SRSF10: variants seen among roughly 807,000 people sequenced by gnomAD.
SRSF10 encodes serine/arginine-rich splicing factor 10.
Under a neutral mutation model 32.6 loss-of-function variants are expected in SRSF10, and 9 were observed. The observed-to-expected ratio is 0.28, with a 90% CI of 0.17 to 0.48. The LOEUF (loss-of-function observed/expected upper bound fraction) is 0.48, where lower values mean the gene tolerates loss of function less well. Among genes scored for constraint, SRSF10 ranks in the 20% least tolerant of loss-of-function variants. The pLI is 0.99. For missense variants in SRSF10, 201 were observed against 331.8 expected (o/e 0.61, Z 3.06); for synonymous variants, 105 against 112.4 (o/e 0.93, Z 0.42).
At position 23,966,650 on chromosome 1, in the gene SRSF10, A is replaced by G. The variant is rs2148492395; in HGVS notation, c.*4492T>C. The G allele has an allele frequency of 6.6e-6, 1 of 152,126 alleles. No homozygotes were observed. Among genetic ancestry groups the G allele is most frequent in the African/African-American group, 2.4e-5 (1 of 41,550 alleles). 9.4% of individuals were successfully genotyped at this position (152,126 alleles called of 1,614,324 possible). On this transcript the variant is annotated 3_prime_UTR_variant, in exon 6 of 6. Transcript: ENST00000492112. ...CTCCTTTATACCTAATGCAAAGTTA[A>G]ATACTTATTTTGGGGGTTATATCCT...
intron 1 of SRSF10, 49 bp from the exon 2 acceptor site, chr1:23,978,866 A>T: frequency 6.7e-7 from 1 of 1,488,926 alleles, no homozygotes; most frequent in Non-Finnish European, 9.1e-7. Context: ...AGTCCTTAAG[A>T]TGTATAGGCA....
chr1:23,976,856 T>C (rs1642123207), intron 2 of SRSF10: 1 of 152,226 alleles, frequency 6.6e-6, no homozygotes, highest in Admixed American at 6.5e-5. Flanking sequence ...CTGTTACTTA[T>C]TTCTTTTCAA....
At position 23,970,975 on chromosome 1, in the gene SRSF10, T is replaced by C; in HGVS notation, c.*167A>G. Reference sequence around the variant, plus strand: ...ATTAAACAAACTGGACTCTTAAGAGTGGCTTCTCAACAGCATATCATTTTA... The same window carrying C: ...ATTAAACAAACTGGACTCTTAAGAGCGGCTTCTCAACAGCATATCATTTTA... On this transcript the variant is annotated 3_prime_UTR_variant, in exon 6 of 6. Transcript: ENST00000492112. 1 of 1,399,172 alleles carries C rather than the reference T, an allele frequency of 7.1e-7. No individual in the cohort carries two copies. The highest frequency in any genetic ancestry group is 1.5e-5 in the African/African-American group (1 of 68,664). The allele number at this position is 1,399,172 out of a possible 1,614,324, so 86.7% of individuals were successfully genotyped here.
chr1:23,973,307 G>C lies in SRSF10; in HGVS notation c.275-1295C>G, dbSNP rs1022809768. ...ACACTGGGAATCCATACCATAAAAG[G>C]ATTTTTAAAAACTCCAAATGGAAGT... is the stretch of plus-strand genomic sequence containing the variant. On this transcript the variant is annotated intron_variant, in intron 3 of 5. Transcript: ENST00000492112. 2.0e-5 allele frequency among the ~76,000 whole-genome samples: 3 copies of C among 152,066 alleles called. No individual in the cohort carries two copies. The East Asian group carries it at 5.8e-4, about 29-fold the overall frequency.
At position 23,967,639 on chromosome 1, in the gene SRSF10, CCTT is replaced by C; in HGVS notation, c.*3500_*3502del. The C allele has an allele frequency of 7.0e-7, 1 of 1,435,804 alleles. No homozygotes were observed. Among genetic ancestry groups the C allele is most frequent in the South Asian group, 1.1e-5 (1 of 87,350 alleles). 88.9% of individuals were successfully genotyped at this position (1,435,804 alleles called of 1,614,324 possible). On this transcript the variant is annotated 3_prime_UTR_variant, in exon 6 of 6. Transcript: ENST00000492112. ...CCCACCCTTTGGTCGCTTGAACTGC[CCTT>C]CTTTGGTTCTTTTTCCGCTTTCAGA...
In SRSF10 at chr1:23,968,898, C is replaced by G. The variant is rs1014393323; in HGVS notation, c.*2244G>C. ...ATCATGAAACAACTTTGATATTACACAATGAATTTTTAACTACTGTGTAAA... is the reference window on the plus strand; with the variant it reads ...ATCATGAAACAACTTTGATATTACAGAATGAATTTTTAACTACTGTGTAAA... On this transcript the variant is annotated 3_prime_UTR_variant, in exon 6 of 6. Coordinates refer to ENST00000492112, the MANE Select transcript of SRSF10 (RefSeq NM_054016.4). Among the ~76,000 whole-genome samples the G allele has an allele frequency of 6.6e-6, 1 of 152,140 alleles. No homozygotes were observed. Among genetic ancestry groups the G allele is most frequent in the Non-Finnish European group, 1.5e-5 (1 of 67,988 alleles).
chr1:23,979,685 A>G (rs1367550012), intron 1 of SRSF10, among the ~76,000 whole-genome samples: 2 of 152,152 alleles, frequency 1.3e-5, no homozygotes, highest in Middle Eastern at 3.2e-3. Context: ...CCCTTTCTCC[A>G]AACACCTCCA....
At position 23,967,929 on chromosome 1, in the gene SRSF10, T is replaced by G; in HGVS notation, c.*3213A>C. 4 of 1,544,194 alleles carry G rather than the reference T, an allele frequency of 2.6e-6. No homozygotes were observed. Among genetic ancestry groups the G allele is most frequent in the Non-Finnish European group, 3.5e-6 (4 of 1,145,872 alleles). ...CCTTTCCTCTCTCACTGAAGCATTA[T>G]CTCTCATTTTTCTTCTTGCTTACTT... On this transcript the variant is annotated 3_prime_UTR_variant, in exon 6 of 6. Coordinates refer to ENST00000492112, the MANE Select transcript of SRSF10 (RefSeq NM_054016.4).
chr1:23,973,426 C>A (rs944274472), intron 3 of SRSF10, among the ~76,000 whole-genome samples: 4 of 152,262 alleles, frequency 2.6e-5, no homozygotes, highest in Non-Finnish European at 4.4e-5. Context: ...ACCTCCTGGG[C>A]CCAAGTGATC....
At chr1:23,973,979 C>A (rs1353523545) in intron 3 of SRSF10, among the ~76,000 whole-genome samples, 2 of 143,718 alleles carry the variant, frequency 1.4e-5, no homozygotes, top group Non-Finnish European at 3.0e-5. Context: ...AGCTCCTCCT[C>A]TCCTCAGCAG....
At position 23,971,422 on chromosome 1, in the gene SRSF10, C is replaced by T. The variant is rs1165690555; in HGVS notation, c.509G>A (p.Arg170Gln). The change falls in exon 6 of 6, where the codon CGA (arginine) becomes CAA (glutamine). Residue 170 changes from arginine (R) to glutamine (Q), a missense_variant. This residue lies in a region of SRSF10 where 159 missense variants were observed against 196.7 expected (regional missense o/e 0.81). Coordinates refer to ENST00000492112, the MANE Select transcript of SRSF10 (RefSeq NM_054016.4). ...SDNDRFKHRN[R>Q]SFSRSKSNSR... ...ATTGGATTTAGATCTTGAAAAAGAT[C>T]GATTTCGGTGTTTGAATCTTTCAAA... 47 of 1,608,804 alleles carry T rather than the reference C, an allele frequency of 2.9e-5. No homozygotes were observed. The highest frequency in any genetic ancestry group is 1.3e-4 in the South Asian group (12 of 90,056).
chr1:23,969,897 A>G lies in SRSF10; in HGVS notation c.*1245T>C, dbSNP rs1641642196. 1.0e-5 allele frequency: 10 copies of G among 985,402 alleles called. No individual in the cohort carries two copies. Among genetic ancestry groups the G allele is most frequent in the Non-Finnish European group, 1.2e-5 (10 of 829,932 alleles). 61.0% of individuals were successfully genotyped at this position (985,402 alleles called of 1,614,324 possible). A position where few individuals can be genotyped will look rare whatever the true frequency, so the allele number is the denominator to read the frequency against. On this transcript the variant is annotated 3_prime_UTR_variant, in exon 6 of 6. Coordinates refer to ENST00000492112, the MANE Select transcript of SRSF10 (RefSeq NM_054016.4). ...AGTGTTGTCTTACAACTTGCCTCGT[A>G]TTAAATAAACTGAGGTGTGAAAAGC...
chr1:23,978,196 T>G, intron 2 of SRSF10: 1 of 985,550 alleles, frequency 1.0e-6, no homozygotes, highest in Non-Finnish European at 1.2e-6. Flanking sequence ...TCTACTTGCC[T>G]TAAGTGTTGA....
chr1:23,978,566 G>T (rs1308244441), intron 2 of SRSF10, 147 bp downstream of exon 2: 5 of 1,022,138 alleles, frequency 4.9e-6, no homozygotes, highest in Non-Finnish European at 6.7e-6. Context: ...CGAGAGCAAT[G>T]TGTGAGTCAG....
rs904175285 is a variant in SRSF10 at position 23,972,097 on chromosome 1, T to C, written c.275-85A>G. On this transcript the variant is annotated intron_variant, in intron 3 of 5. Transcript: ENST00000492112. The stretch of plus-strand genomic sequence containing the variant: ...ATAAATAGGGAAAAAAATCCCTGCA[T>C]CCCCTCTTATATCCCAAAGAGAGTA... The C allele has an allele frequency of 1.4e-5, 17 of 1,209,978 alleles. 2 individuals carry two copies. In the South Asian group the frequency reaches 3.3e-4, roughly 23 times the overall value. The allele number at this position is 1,209,978 out of a possible 1,614,324, so 75.0% of individuals were successfully genotyped here.
At position 23,968,527 on chromosome 1, in the gene SRSF10, G is replaced by GAATA. The variant is rs138276727; in HGVS notation, c.*2614_*2615insTATT. 1.3e-5 allele frequency among the ~76,000 whole-genome samples: 2 copies of GAATA among 152,060 alleles called. No homozygotes were observed. Among genetic ancestry groups the GAATA allele is most frequent in the African/African-American group, 4.8e-5 (2 of 41,376 alleles). Reference sequence around the variant, plus strand: ...TATCTTTCTCATAAGGTTTTGTGAAGAGTGAGTTAACACATAGCCTTTTCA... The same window carrying GAATA: ...TATCTTTCTCATAAGGTTTTGTGAAGAATAAGTGAGTTAACACATAGCCTTTTCA... On this transcript the variant is annotated 3_prime_UTR_variant, in exon 6 of 6. Transcript: ENST00000492112.
At chr1:23,972,139 T>G in intron 3 of SRSF10, 127 bp from the exon 4 acceptor site, 3 of 766,918 alleles carry the variant, frequency 3.9e-6, no homozygotes, top group Non-Finnish European at 3.7e-6. Flanking sequence ...ACCCGGGTGG[T>G]GGCTCACACC....
chr1:23,965,960 T>A lies in SRSF10; in HGVS notation c.*5182A>T, dbSNP rs908885088. ...CTGTCCATAAGAACCCCTATGTTAA[T>A]GAGTGTATAACGGTATACAACAAAA... is the stretch of plus-strand genomic sequence containing the variant. On this transcript the variant is annotated 3_prime_UTR_variant, in exon 6 of 6. Coordinates refer to ENST00000492112, the MANE Select transcript of SRSF10 (RefSeq NM_054016.4). 4.6e-5 allele frequency: 7 copies of A among 151,962 alleles called. No homozygotes were observed. Among genetic ancestry groups the A allele is most frequent in the Non-Finnish European group, 7.4e-5 (5 of 67,854 alleles). 9.4% of individuals were successfully genotyped at this position (151,962 alleles called of 1,614,324 possible).
At chr1:23,978,441 G>A (rs1570792858) in intron 2 of SRSF10, among the ~76,000 whole-genome samples, 2 of 152,186 alleles carry the variant, frequency 1.3e-5, no homozygotes, top group Non-Finnish European at 2.9e-5. Flanking sequence ...TACATTAAAG[G>A]TAGTAGCAAC....
Sources: gnomAD v4.1 joint callset for allele counts (sites outside exome capture counted in the v4.1 genomes callset) on GRCh38, gnomAD v4.1.1 for gene constraint, gnomAD v4.1.1 regional missense constraint, MANE v1.5 for transcripts, NCBI Gene and HGNC (gene_info 2026-07-23, HGNC 2026-07-21) for gene names.